The following EFCAB14 variants were observed in gnomAD, a reference collection of about 807,000 sequenced individuals.
The protein encoded by EFCAB14 is EF-hand calcium-binding domain-containing protein 14.
EFCAB14 carries 43 observed loss-of-function variants against 56.5 expected under a neutral mutation model. The ratio of observed to expected loss-of-function variants is 0.76; its 90% CI spans 0.60 to 0.98. The LOEUF (loss-of-function observed/expected upper bound fraction) is 0.98, where lower values mean the gene tolerates loss of function less well. EFCAB14 is among the 50% of genes least tolerant of loss of function. The pLI is 0.00. For synonymous variants in EFCAB14, 235 were observed against 212.9 expected (o/e 1.10, Z -0.90); for missense variants, 538 against 580.3 (o/e 0.93, Z 0.75).
intron 6 of EFCAB14, among the ~76,000 whole-genome samples, chr1:46,689,081 A>G (rs1055223981): frequency 8.5e-5 from 13 of 152,208 alleles, no homozygotes; most frequent in Non-Finnish European, 1.9e-4. Context: ...TCAGGACAGG[A>G]ATTCTTCTGA....
At chr1:46,679,312 T>C (rs193156805) in intron 10 of EFCAB14, among the ~76,000 whole-genome samples, 1 of 152,308 alleles carries the variant, frequency 6.6e-6, no homozygotes, top group East Asian at 1.9e-4. Flanking sequence ...TTTCTTTTCT[T>C]TTTTTTGAAG....
At chr1:46,716,896 A>C (rs1677405234) in intron 1 of EFCAB14, among the ~76,000 whole-genome samples, 1 of 152,234 alleles carries the variant, frequency 6.6e-6, no homozygotes, top group Non-Finnish European at 1.5e-5. Context: ...TTTTACTGCA[A>C]AAGAAATGAA....
chr1:46,706,905 C>T (rs1054606642), intron 3 of EFCAB14, among the ~76,000 whole-genome samples: 1 of 152,164 alleles, frequency 6.6e-6, no homozygotes, highest in Non-Finnish European at 1.5e-5. Context: ...GGTATGTATG[C>T]GTTTACTGGG....
intron 10 of EFCAB14, among the ~76,000 whole-genome samples, chr1:46,679,501 C>A (rs1311325931): frequency 1.3e-5 from 2 of 150,130 alleles, no homozygotes; most frequent in African/African-American, 4.9e-5. Flanking sequence ...TGGGGTTTCA[C>A]CATGTTGGCC....
chr1:46,706,119 G>A (rs1170958512), intron 3 of EFCAB14, among the ~76,000 whole-genome samples: 2 of 152,030 alleles, frequency 1.3e-5, no homozygotes, highest in Non-Finnish European at 2.9e-5. Context: ...CTCCCACCTT[G>A]GCCTCCCAAA....
intron 5 of EFCAB14, 36 bp downstream of exon 5, chr1:46,691,791 T>C (rs749183513): frequency 7.2e-6 from 11 of 1,520,844 alleles, no homozygotes; most frequent in Non-Finnish European, 1.0e-5. Context: ...CAAAAAAGGG[T>C]GAGCAGGAGC....
intron 3 of EFCAB14, among the ~76,000 whole-genome samples, chr1:46,701,720 A>G (rs1408536959): frequency 6.6e-6 from 1 of 152,234 alleles, no homozygotes; most frequent in Non-Finnish European, 1.5e-5. Flanking sequence ...TGCCTAGTGT[A>G]TCAGCTGCCT....
chr1:46,684,189 T>G, intron 9 of EFCAB14: 1 of 262,066 alleles, frequency 3.8e-6, no homozygotes. Flanking sequence ...AAACAACTTT[T>G]AGGGCTGGCT....
At chr1:46,706,605 T>G (rs948455977) in intron 3 of EFCAB14, among the ~76,000 whole-genome samples, 1 of 152,230 alleles carries the variant, frequency 6.6e-6, no homozygotes, top group Non-Finnish European at 1.5e-5. Flanking sequence ...TGATTATCTT[T>G]CAGTGCTTCA....
Position 46,718,309 on chromosome 1 carries a change from G to A in EFCAB14, c.-222C>T, listed in dbSNP as rs1677430250. ...TCAGATGGGTGGGGGAAATCACATA[G>A]AAATGGCCAAGGAGCTGGTGACCCC... On this transcript the variant is annotated 5_prime_UTR_variant, in exon 1 of 11. Transcript: ENST00000371933. 2 of 504,934 alleles carry A rather than the reference G, an allele frequency of 4.0e-6. No individual in the cohort carries two copies. The highest frequency in any genetic ancestry group is 6.4e-5 in the Admixed American group (2 of 31,200). 31.3% of individuals were successfully genotyped at this position (504,934 alleles called of 1,614,324 possible).
chr1:46,683,142 G>T, intron 10 of EFCAB14, 158 bp downstream of exon 10: 1 of 782,670 alleles, frequency 1.3e-6, no homozygotes, highest in Non-Finnish European at 2.0e-6. Flanking sequence ...TCATGGGATG[G>T]TTATCAGGAT....
intron 3 of EFCAB14, among the ~76,000 whole-genome samples, chr1:46,705,647 T>C (rs1677223322): frequency 6.6e-6 from 1 of 152,194 alleles, no homozygotes; most frequent in South Asian, 2.1e-4. Context: ...CAGGGCTGTT[T>C]CCTGCTTTGT....
intron 8 of EFCAB14, 129 bp downstream of exon 8, chr1:46,686,655 A>T: frequency 1.1e-6 from 1 of 885,300 alleles, no homozygotes; most frequent in Non-Finnish European, 1.8e-6. Flanking sequence ...CTAATTTACT[A>T]ATTGCTTTGT....
chr1:46,699,820 G>C (rs4272563), intron 3 of EFCAB14, among the ~76,000 whole-genome samples: 56,224 of 152,100 alleles, frequency 0.37, 11,620 homozygotes, highest in East Asian at 0.75. Flanking sequence ...TTCTACAGAA[G>C]AGAATAAAGT....
At chr1:46,708,775 A>G (rs1033237891) in intron 2 of EFCAB14, among the ~76,000 whole-genome samples, 2 of 152,228 alleles carry the variant, frequency 1.3e-5, no homozygotes, top group Non-Finnish European at 2.9e-5. Context: ...ATAGTATGAT[A>G]TTTGGCCTTT....
At chr1:46,685,507 A>G (rs1406046270) in intron 8 of EFCAB14, among the ~76,000 whole-genome samples, 1 of 152,230 alleles carries the variant, frequency 6.6e-6, no homozygotes, top group Non-Finnish European at 1.5e-5. Context: ...TTAGGGAGCT[A>G]AAATATGAAC....
intron 3 of EFCAB14, among the ~76,000 whole-genome samples, chr1:46,703,027 T>C (rs1190225354): frequency 1.3e-5 from 2 of 152,222 alleles, no homozygotes; most frequent in African/African-American, 4.8e-5. Flanking sequence ...TCTAGAAAAC[T>C]TGCAACAAAA....
chr1:46,688,119 A>G lies in EFCAB14; in HGVS notation c.987+234T>C, dbSNP rs149859060. 1.7e-4 allele frequency among the ~76,000 whole-genome samples: 26 copies of G among 152,302 alleles called. No homozygotes were observed. The East Asian group carries it at 5.0e-3, about 29-fold the overall frequency. ...CAACAACTAGTGGTGAGGCCTTGGT[A>G]AGCGACTCGACCTCTCCGCATCTCC... is the stretch of plus-strand genomic sequence containing the variant. On this transcript the variant is annotated intron_variant, in intron 7 of 10. Coordinates refer to ENST00000371933, the MANE Select transcript of EFCAB14 (RefSeq NM_014774.3).
chr1:46,691,704 T>C (rs1254117851), intron 5 of EFCAB14, 123 bp downstream of exon 5: 1 of 626,648 alleles, frequency 1.6e-6, no homozygotes, highest in Non-Finnish European at 2.8e-6. Flanking sequence ...CAATGTATAC[T>C]GCTTATTAGA....
Sources: gnomAD v4.1 joint callset for allele counts (sites outside exome capture counted in the v4.1 genomes callset) on GRCh38, gnomAD v4.1.1 for gene constraint, MANE v1.5 for transcripts, NCBI Gene and HGNC (gene_info 2026-07-23, HGNC 2026-07-21) for gene names.